FRMD3: variants seen among roughly 807,000 people sequenced by gnomAD.
The protein encoded by FRMD3 is FERM domain containing 3.
A neutral mutation model predicts 70.2 loss-of-function variants in FRMD3; 33 were observed. That is an observed-to-expected ratio of 0.47 (90% confidence interval 0.36 to 0.63). The LOEUF (loss-of-function observed/expected upper bound fraction) is 0.63. Ranked by LOEUF, FRMD3 falls within the 20% of genes least tolerant of loss-of-function variation. The probability of loss-of-function intolerance (pLI) is 0.00; values close to 1 mark genes in which losing one functional copy is unlikely to be tolerated. For synonymous variants in FRMD3, 279 were observed against 255.9 expected, an observed-to-expected ratio of 1.09 and a Z score of -0.86; for missense variants, 632 against 711.4, an observed-to-expected ratio of 0.89 and a Z score of 1.27.
At chr9:83,383,660 G>T (rs1825425145) in intron 2 of FRMD3, among the ~76,000 whole-genome samples, 1 of 152,048 alleles carries the variant, frequency 6.6e-6, no homozygotes, top group Non-Finnish European at 1.5e-5. Flanking sequence ...TTCTACCCAG[G>T]CTGTCCCACC....
intron 1 of FRMD3, among the ~76,000 whole-genome samples, chr9:83,479,320 GAGA>G (rs1191117109): frequency 1.5e-5 from 2 of 137,218 alleles, no homozygotes; most frequent in African/African-American, 2.9e-5. Flanking sequence ...GGAGAAGGAG[GAGA>G]AGAAGGGGAA....
chr9:83,583,036 A>G, the FRMD3 span, among the ~76,000 whole-genome samples: 1 of 152,226 alleles, frequency 6.6e-6, no homozygotes, highest in African/African-American at 2.4e-5. Context: ...TCTCCAGATG[A>G]TATTTAAGAT....
At chr9:83,394,920 C>T (rs2131307329) in intron 1 of FRMD3, among the ~76,000 whole-genome samples, 1 of 152,220 alleles carries the variant, frequency 6.6e-6, no homozygotes, top group South Asian at 2.1e-4. Flanking sequence ...TTTCTCCTTC[C>T]ATAATGGGAG....
At chr9:83,416,859 T>C (rs12551179) in intron 1 of FRMD3, among the ~76,000 whole-genome samples, 17,005 of 151,628 alleles carry the variant, frequency 0.11, 1,122 homozygotes, top group African/African-American at 0.16. Flanking sequence ...GTGTTCACTA[T>C]GTTGCTTCAC....
chr9:83,416,752 T>TCTCTCTCC (rs1382241283), intron 1 of FRMD3, among the ~76,000 whole-genome samples: 1 of 102,394 alleles, frequency 9.8e-6, no homozygotes, highest in East Asian at 2.7e-4. Context: ...TCTGTCTCTC[T>TCTCTCTCC]CTCTCTCTCT....
chr9:83,524,520 T>C (rs1337376993), intron 1 of FRMD3, among the ~76,000 whole-genome samples: 1 of 152,206 alleles, frequency 6.6e-6, no homozygotes, highest in East Asian at 1.9e-4. Flanking sequence ...AGAGGTGTGA[T>C]CTGTGTATGG....
chr9:83,321,810 CTCTT>C (rs1311467674), intron 6 of FRMD3, among the ~76,000 whole-genome samples: 8 of 152,244 alleles, frequency 5.3e-5, no homozygotes, highest in Middle Eastern at 3.4e-3. Flanking sequence ...TTCTGTCTGT[CTCTT>C]TCTTTAGGTC....
At chr9:83,315,570 C>A (rs1342588351) in intron 6 of FRMD3, among the ~76,000 whole-genome samples, 2 of 152,168 alleles carry the variant, frequency 1.3e-5, no homozygotes, top group Non-Finnish European at 1.5e-5. Flanking sequence ...CCTGCTCTCT[C>A]TTCCTCAGGC....
the FRMD3 span, among the ~76,000 whole-genome samples, chr9:83,550,668 G>A: frequency 6.8e-6 from 1 of 147,452 alleles, no homozygotes; most frequent in Non-Finnish European, 1.5e-5. Context: ...CACCTCCCTA[G>A]TTAGCTGTAG....
At chr9:83,538,752 C>T (rs557039767), upstream of FRMD3, among the ~76,000 whole-genome samples, 4 of 152,334 alleles carry the variant, frequency 2.6e-5, no homozygotes, top group East Asian at 7.7e-4. The surrounding 1 kb of genome is among the most constrained non-coding windows in gnomAD (Gnocchi z 4.7). Context: ...GTCCCGGCCC[C>T]GGCTCCCCAA....
chr9:83,441,330 G>T (rs1359021852), intron 1 of FRMD3, among the ~76,000 whole-genome samples: 3 of 152,144 alleles, frequency 2.0e-5, no homozygotes, highest in Non-Finnish European at 4.4e-5. Context: ...CGACTGAACG[G>T]ATCCCAAGGT....
At chr9:83,367,758 A>G (rs950757543) in intron 3 of FRMD3, among the ~76,000 whole-genome samples, 7 of 152,222 alleles carry the variant, frequency 4.6e-5, no homozygotes, top group African/African-American at 7.2e-5. Context: ...CTCAAGTTAT[A>G]TATTTTATTT....
intron 1 of FRMD3, among the ~76,000 whole-genome samples, chr9:83,463,413 G>A (rs1030284889): frequency 9.2e-5 from 14 of 152,160 alleles, no homozygotes; most frequent in African/African-American, 3.4e-4. Context: ...CATGGCAGAA[G>A]GGGAAGCAAA....
chr9:83,413,321 C>A (rs925080931), intron 1 of FRMD3, among the ~76,000 whole-genome samples: 1 of 152,140 alleles, frequency 6.6e-6, no homozygotes, highest in Non-Finnish European at 1.5e-5. Flanking sequence ...GTCTATTTTT[C>A]CAAGTGCCTG....
chr9:83,517,270 T>G (rs2131540151), intron 1 of FRMD3, among the ~76,000 whole-genome samples: 1 of 151,738 alleles, frequency 6.6e-6, no homozygotes, highest in South Asian at 2.1e-4. Context: ...ATAGACACAA[T>G]AAAAAGTGAT....
intron 10 of FRMD3, among the ~76,000 whole-genome samples, chr9:83,306,343 C>T (rs1835135533): frequency 6.6e-6 from 1 of 152,152 alleles, no homozygotes; most frequent in South Asian, 2.1e-4. Context: ...CCTCTGTTGC[C>T]TCTTTCACAC....
In FRMD3 at chr9:83,538,380, T is replaced by A. The variant is rs922574311; in HGVS notation, c.-149A>T. 8.4e-6 allele frequency: 5 copies of A among 598,546 alleles called. No individual in the cohort carries two copies. Among genetic ancestry groups the A allele is most frequent in the Non-Finnish European group, 1.2e-5 (5 of 412,406 alleles). The allele number at this position is 598,546 out of a possible 1,614,324, so 37.1% of individuals were successfully genotyped here. A position where few individuals can be genotyped will look rare whatever the true frequency, so the allele number is the denominator to read the frequency against. Reference sequence around the variant, plus strand: ...AGCGTCGGGCGCCTGCGGACACACATGCCCAGCGGCCGGGGCGCGGCGGGC... The same window carrying A: ...AGCGTCGGGCGCCTGCGGACACACAAGCCCAGCGGCCGGGGCGCGGCGGGC... On this transcript the variant is annotated 5_prime_UTR_variant, in exon 1 of 14. An upstream start codon of the reference 5' UTR is lost. Transcript: ENST00000304195. The surrounding 1 kb of genome is among the most constrained non-coding windows in gnomAD (Gnocchi z 4.7).
Position 83,244,928 on chromosome 9 carries a change from T to C in FRMD3, c.*2990A>G. Reference sequence around the variant, plus strand: ...ATTGTTTTCATGATCCAACTTGCATTAGCACTAAAGGCAATATTGTGTGTG... The same window carrying C: ...ATTGTTTTCATGATCCAACTTGCATCAGCACTAAAGGCAATATTGTGTGTG... On this transcript the variant is annotated 3_prime_UTR_variant, in exon 14 of 14. Transcript: ENST00000304195. 1.0e-6 allele frequency: 1 copy of C among 985,112 alleles called. No homozygotes were observed. The highest frequency in any genetic ancestry group is 1.2e-6 in the Non-Finnish European group (1 of 829,608). The allele number at this position is 985,112 out of a possible 1,614,324, so 61.0% of individuals were successfully genotyped here.
chr9:83,419,026 A>G (rs1225093913), intron 1 of FRMD3, among the ~76,000 whole-genome samples: 1 of 152,222 alleles, frequency 6.6e-6, no homozygotes, highest in Non-Finnish European at 1.5e-5. Flanking sequence ...TAAGTGAAGT[A>G]ACACAGGAGT....
Sources: gnomAD v4.1 joint callset for allele counts (sites outside exome capture counted in the v4.1 genomes callset) on GRCh38, gnomAD v4.1.1 for gene constraint, Gnocchi (gnomAD v3.1) non-coding constraint, MANE v1.5 for transcripts, NCBI Gene and HGNC (gene_info 2026-07-23, HGNC 2026-07-21) for gene names.